Variants in CCSER2 observed in about 807,000 individuals in gnomAD.
The protein encoded by CCSER2 is coiled-coil serine rich protein 2.
CCSER2 carries 46 observed loss-of-function variants against 92.3 expected under a neutral mutation model. The observed-to-expected ratio is 0.50, with a 90% CI of 0.39 to 0.64. The LOEUF is 0.64. CCSER2 is among the 30% of genes least tolerant of loss of function. The pLI, the probability that CCSER2 is intolerant of heterozygous loss-of-function variation, is 0.00. For synonymous variants in CCSER2, 433 were observed against 431.4 expected (o/e 1.00, Z -0.04); for missense variants, 1,244 against 1,238.9 (o/e 1.00, Z -0.06).
chr10:84,329,973 A>G (rs371317325), intron 1 of CCSER2, among the ~76,000 whole-genome samples: 3 of 152,268 alleles, frequency 2.0e-5, no homozygotes, highest in East Asian at 3.8e-4. Context: ...CATAATTCAT[A>G]CTGTCGTACT....
At chr10:84,502,825 C>T (rs529523558) in intron 9 of CCSER2, among the ~76,000 whole-genome samples, 5 of 152,134 alleles carry the variant, frequency 3.3e-5, no homozygotes, top group Non-Finnish European at 5.9e-5. Flanking sequence ...GAAGATAGTC[C>T]GTTCTAAATA....
intron 9 of CCSER2, among the ~76,000 whole-genome samples, chr10:84,496,842 C>G (rs1439522608): frequency 6.6e-6 from 1 of 152,202 alleles, no homozygotes; most frequent in South Asian, 2.1e-4. Flanking sequence ...GGGTCCCAAG[C>G]TGGTCTCACT....
At chr10:84,424,198 T>C (rs1047734356) in intron 4 of CCSER2, among the ~76,000 whole-genome samples, 3 of 151,918 alleles carry the variant, frequency 2.0e-5, no homozygotes, top group Non-Finnish European at 4.4e-5. Flanking sequence ...AAATTTTCTT[T>C]TGCTATCTTA....
chr10:84,453,086 G>A (rs1228130078), intron 6 of CCSER2, among the ~76,000 whole-genome samples: 1 of 152,052 alleles, frequency 6.6e-6, no homozygotes, highest in Admixed American at 6.6e-5. Flanking sequence ...ATTTTTTGAA[G>A]CATATTAATA....
chr10:84,471,889 A>T (rs559029482), intron 8 of CCSER2, among the ~76,000 whole-genome samples: 177 of 152,220 alleles, frequency 1.2e-3, no homozygotes, highest in African/African-American at 4.1e-3. Flanking sequence ...TTGAGGAAGA[A>T]CATAAGGAAT....
At chr10:84,468,988 T>A (rs180693304) in intron 7 of CCSER2, among the ~76,000 whole-genome samples, 87 of 152,316 alleles carry the variant, frequency 5.7e-4, no homozygotes, top group African/African-American at 2.1e-3. Flanking sequence ...ACAAGTTAAA[T>A]ACAACATTTT....
intron 9 of CCSER2, among the ~76,000 whole-genome samples, chr10:84,483,981 AT>A (rs1564711581): frequency 1.1e-4 from 6 of 56,106 alleles, no homozygotes; most frequent in South Asian, 1.3e-3. Context: ...ATATATATAT[AT>A]ATATATATAT....
Position 84,514,898 on chromosome 10 carries a change from G to A in CCSER2, c.*631G>A, listed in dbSNP as rs10788344. ...ATTTCCCAAATTCCCCAGACTGAAA[G>A]TGTTTCTTATTACATATAAATCAGT... is the stretch of plus-strand genomic sequence containing the variant. On this transcript the variant is annotated 3_prime_UTR_variant, in exon 10 of 10. Coordinates refer to ENST00000372088, the MANE Select transcript of CCSER2 (RefSeq NM_001284240.2). 86,181 of 152,528 alleles carry A rather than the reference G, an allele frequency of 0.57. 26,863 individuals are homozygous for A. Among genetic ancestry groups the A allele is most frequent in the Non-Finnish European group, 0.67 (45,794 of 68,050 alleles). The allele number at this position is 152,528 out of a possible 1,614,324, so 9.4% of individuals were successfully genotyped here. A position where few individuals can be genotyped will look rare whatever the true frequency, so the allele number is the denominator to read the frequency against.
intron 9 of CCSER2, among the ~76,000 whole-genome samples, chr10:84,482,386 G>A (rs1847509371): frequency 6.6e-6 from 1 of 152,210 alleles, no homozygotes; most frequent in African/African-American, 2.4e-5. Flanking sequence ...GCTGGAGGTT[G>A]TTGGTTATGC....
At chr10:84,504,863 TGTA>T (rs1275727089) in intron 9 of CCSER2, among the ~76,000 whole-genome samples, 2 of 152,290 alleles carry the variant, frequency 1.3e-5, no homozygotes, top group Admixed American at 6.5e-5. Context: ...CAATAAATGA[TGTA>T]GTAATTTGCT....
intron 3 of CCSER2, among the ~76,000 whole-genome samples, chr10:84,389,828 C>T (rs984514672): frequency 1.3e-5 from 2 of 152,194 alleles, no homozygotes; most frequent in Admixed American, 6.5e-5. Context: ...CAAACAGACT[C>T]CTGTGTGTTT....
At chr10:84,487,747 G>A (rs1028826027) in intron 9 of CCSER2, among the ~76,000 whole-genome samples, 32 of 152,166 alleles carry the variant, frequency 2.1e-4, no homozygotes, top group Middle Eastern at 6.3e-3. Flanking sequence ...TCTCCTGCCT[G>A]ATTGCCCTGG....
At chr10:84,352,819 A>T (rs755771286) in intron 1 of CCSER2, among the ~76,000 whole-genome samples, 6 of 151,652 alleles carry the variant, frequency 4.0e-5, no homozygotes, top group Non-Finnish European at 5.9e-5. Context: ...TTGGAGACAG[A>T]GTCTCTTGTC....
At chr10:84,473,767 G>A (rs1228058209) in intron 8 of CCSER2, among the ~76,000 whole-genome samples, 3 of 151,964 alleles carry the variant, frequency 2.0e-5, no homozygotes, top group African/African-American at 7.3e-5. Context: ...GGAATTAAAG[G>A]ACTTGTTTCT....
intron 3 of CCSER2, among the ~76,000 whole-genome samples, chr10:84,409,845 A>G (rs936387104): frequency 2.1e-4 from 32 of 152,128 alleles, no homozygotes; most frequent in Admixed American, 2.0e-4. Flanking sequence ...TTTGCTGCAC[A>G]GATAATTCTA....
chr10:84,469,922 A>G (rs1220809854), intron 7 of CCSER2, among the ~76,000 whole-genome samples: 1 of 148,764 alleles, frequency 6.7e-6, no homozygotes, highest in Non-Finnish European at 1.5e-5. Flanking sequence ...TAATTATTCT[A>G]TTGCCTCTGC....
chr10:84,360,217 A>T (rs2133111991), intron 1 of CCSER2, among the ~76,000 whole-genome samples: 1 of 152,308 alleles, frequency 6.6e-6, no homozygotes, highest in Non-Finnish European at 1.5e-5. Context: ...CTTACCTTTT[A>T]ATAGTTTCAG....
At chr10:84,501,735 CT>C (rs1477592451) in intron 9 of CCSER2, among the ~76,000 whole-genome samples, 2 of 130,826 alleles carry the variant, frequency 1.5e-5, no homozygotes, top group East Asian at 4.4e-4. Flanking sequence ...TTTTTTAAAC[CT>C]TTCTAGATCA....
At chr10:84,352,675 C>G (rs1844929730) in intron 1 of CCSER2, among the ~76,000 whole-genome samples, 1 of 151,932 alleles carries the variant, frequency 6.6e-6, no homozygotes, top group East Asian at 1.9e-4. Flanking sequence ...ATTCCTGACT[C>G]TCTATGTGAA....
Sources: gnomAD v4.1 joint callset for allele counts (sites outside exome capture counted in the v4.1 genomes callset) on GRCh38, gnomAD v4.1.1 for gene constraint, MANE v1.5 for transcripts, NCBI Gene and HGNC (gene_info 2026-07-23, HGNC 2026-07-21) for gene names.